The following PCLO variants were observed in gnomAD, a reference collection of about 807,000 sequenced individuals.
The protein encoded by PCLO is protein piccolo.
Under a neutral mutation model 427.5 loss-of-function variants are expected in PCLO, and 82 were observed. The ratio of observed to expected loss-of-function variants is 0.19; its 90% CI spans 0.16 to 0.23. The LOEUF (loss-of-function observed/expected upper bound fraction) is 0.23. Among genes scored for constraint, PCLO ranks in the 10% least tolerant of loss-of-function variants. The pLI, the probability that PCLO is intolerant of heterozygous loss-of-function variation, is 1.00. For synonymous variants in PCLO, 2,357 were observed against 2,155.4 expected, an observed-to-expected ratio of 1.09 and a Z score of -2.59; for missense variants, 6,239 against 6,115.9, an observed-to-expected ratio of 1.02 and a Z score of -0.67.
intron 22 of PCLO, among the ~76,000 whole-genome samples, chr7:82,796,909 T>C (rs1791234582): frequency 6.6e-6 from 1 of 151,210 alleles, no homozygotes; most frequent in Non-Finnish European, 1.5e-5. Context: ...ATATAATAGA[T>C]ACACTCATAT....
At chr7:82,905,533 C>G (rs1376514144) in intron 8 of PCLO, among the ~76,000 whole-genome samples, 1 of 151,936 alleles carries the variant, frequency 6.6e-6, no homozygotes, top group Admixed American at 6.6e-5. Context: ...CAGCCCAAGA[C>G]ATAATACATG....
At chr7:82,901,454 C>T (rs1007215188) in intron 9 of PCLO, among the ~76,000 whole-genome samples, 2 of 151,988 alleles carry the variant, frequency 1.3e-5, no homozygotes, top group Non-Finnish European at 2.9e-5. Flanking sequence ...ACATGTTAGA[C>T]CTAAAACCAT....
In PCLO at chr7:82,876,455, TACAC is replaced by T. The variant is rs35270740; in HGVS notation, c.13654+2878_13654+2881del. Among the ~76,000 whole-genome samples, 1,198 of 143,190 alleles carry T rather than the reference TACAC, an allele frequency of 8.4e-3. 53 individuals carry two copies. The highest frequency in any genetic ancestry group is 0.065 in the Admixed American group (940 of 14,422). The allele number at this position is 143,190 out of a possible 152,430, so 93.9% of individuals were successfully genotyped here. ...ACAGAACTATAGACAAAAACAAGTATACACACACACACACACACACACACACACA... is the reference window on the plus strand; with the variant it reads ...ACAGAACTATAGACAAAAACAAGTATACACACACACACACACACACACACA... On this transcript the variant is annotated intron_variant, in intron 10 of 24. Transcript: ENST00000333891.
chr7:82,881,218 C>T (rs567010436), intron 9 of PCLO, among the ~76,000 whole-genome samples: 2 of 151,848 alleles, frequency 1.3e-5, no homozygotes, highest in Admixed American at 6.6e-5. Context: ...AGAAAACAAA[C>T]AAAAAAGTGT....
chr7:83,042,985 T>C (rs1427493958), intron 3 of PCLO, among the ~76,000 whole-genome samples: 1 of 152,182 alleles, frequency 6.6e-6, no homozygotes, highest in Non-Finnish European at 1.5e-5. Flanking sequence ...AAGTTATTTC[T>C]TTGGGTTTCT....
chr7:82,906,815 G>GTTAGATT (rs1562849476), intron 8 of PCLO, among the ~76,000 whole-genome samples: 3 of 151,596 alleles, frequency 2.0e-5, no homozygotes, highest in Non-Finnish European at 2.9e-5. Flanking sequence ...TATGTTAGAT[G>GTTAGATT]TGAAAATGTA....
At chr7:82,829,236 C>G (rs1041501484) in intron 16 of PCLO, among the ~76,000 whole-genome samples, 1 of 152,138 alleles carries the variant, frequency 6.6e-6, no homozygotes, top group Non-Finnish European at 1.5e-5. Context: ...AAATAACGCT[C>G]AACATTGACT....
intron 22 of PCLO, among the ~76,000 whole-genome samples, chr7:82,766,606 G>A (rs915556790): frequency 6.6e-6 from 1 of 151,948 alleles, no homozygotes; most frequent in African/African-American, 2.4e-5. Context: ...GAATAGAATT[G>A]ATCACACTAA....
intron 3 of PCLO, among the ~76,000 whole-genome samples, chr7:83,024,397 T>C (rs1302282851): frequency 1.3e-5 from 2 of 152,134 alleles, no homozygotes; most frequent in South Asian, 2.1e-4. Flanking sequence ...ACTTTTCCGA[T>C]GAGCTTAAAA....
At chr7:83,144,010 G>C (rs1791931857) in intron 2 of PCLO, among the ~76,000 whole-genome samples, 1 of 152,154 alleles carries the variant, frequency 6.6e-6, no homozygotes, top group Non-Finnish European at 1.5e-5. Flanking sequence ...AGAATCAAAG[G>C]TCTAAATATG....
intron 9 of PCLO, among the ~76,000 whole-genome samples, chr7:82,899,040 ATAACTC>A (rs1793973839): frequency 6.6e-6 from 1 of 151,428 alleles, no homozygotes; most frequent in African/African-American, 2.4e-5. Flanking sequence ...AGTTGTTATA[ATAACTC>A]TAGCTAATTA....
chr7:83,093,492 A>ATATATATTTTTTTTTTTTTTTTT, intron 3 of PCLO, among the ~76,000 whole-genome samples: 72 of 59,218 alleles, frequency 1.2e-3, no homozygotes, highest in East Asian at 2.2e-3. Flanking sequence ...ATATATATAT[A>ATATATATTTTTTTTTTTTTTTTT]TTTTTTTTTT....
intron 3 of PCLO, among the ~76,000 whole-genome samples, chr7:83,081,593 T>C (rs1790102957): frequency 6.6e-6 from 1 of 151,908 alleles, no homozygotes; most frequent in East Asian, 1.9e-4. Context: ...ACTGTATACA[T>C]TAAACTATTT....
At chr7:83,048,029 T>G (rs967133739) in intron 3 of PCLO, among the ~76,000 whole-genome samples, 4 of 152,038 alleles carry the variant, frequency 2.6e-5, no homozygotes, top group African/African-American at 9.7e-5. Context: ...TTCAATGAAC[T>G]TTTTTTCCAC....
intron 3 of PCLO, among the ~76,000 whole-genome samples, chr7:83,031,432 G>A (rs2116145550): frequency 6.6e-6 from 1 of 152,184 alleles, no homozygotes; most frequent in African/African-American, 2.4e-5. Flanking sequence ...CAGAGCAAAA[G>A]CTATCATTTA....
chr7:83,038,885 C>A (rs1271047550), intron 3 of PCLO, among the ~76,000 whole-genome samples: 1 of 151,966 alleles, frequency 6.6e-6, no homozygotes, highest in Non-Finnish European at 1.5e-5. Flanking sequence ...TAGATCCTCA[C>A]CAATATTTGT....
At chr7:82,902,297 A>G (rs1686385279) in intron 9 of PCLO, among the ~76,000 whole-genome samples, 1 of 151,792 alleles carries the variant, frequency 6.6e-6, no homozygotes, top group Non-Finnish European at 1.5e-5. Flanking sequence ...GAAATTGGAA[A>G]TCATCATTCT....
chr7:82,969,713 A>C (rs1795859204), intron 3 of PCLO, among the ~76,000 whole-genome samples: 1 of 152,108 alleles, frequency 6.6e-6, no homozygotes, highest in Admixed American at 6.5e-5. Context: ...TTGGTTGGAA[A>C]GTGCATATGC....
intron 3 of PCLO, among the ~76,000 whole-genome samples, chr7:83,029,983 G>A (rs1165467455): frequency 1.9e-5 from 2 of 106,622 alleles, no homozygotes; most frequent in Non-Finnish European, 3.7e-5. Flanking sequence ...AGGGGGGAGG[G>A]ATAGCATTGG....
Sources: gnomAD v4.1 joint callset for allele counts (sites outside exome capture counted in the v4.1 genomes callset) on GRCh38, gnomAD v4.1.1 for gene constraint, MANE v1.5 for transcripts, NCBI Gene and HGNC (gene_info 2026-07-23, HGNC 2026-07-21) for gene names.